Variants in TXNDC12 observed in about 807,000 individuals in gnomAD.
The protein encoded by TXNDC12 is thioredoxin domain-containing protein 12.
In TXNDC12, 22 loss-of-function variants were observed where a neutral mutation model predicts 24.2. The ratio of observed to expected loss-of-function variants is 0.91; its 90% confidence interval spans 0.65 to 1.30. TXNDC12 has a LOEUF of 1.30. TXNDC12 is among the 50% of genes most tolerant of loss of function. TXNDC12 has a pLI of 0.00. For missense variants in TXNDC12, 184 were observed against 205.8 expected, an observed-to-expected ratio of 0.89 and a Z score of 0.65; for synonymous variants, 58 against 73.4, an observed-to-expected ratio of 0.79 and a Z score of 1.07.
chr1:52,041,900 C>T (rs1475613335), intron 1 of TXNDC12, among the ~76,000 whole-genome samples: 3 of 152,146 alleles, frequency 2.0e-5, no homozygotes, highest in African/African-American at 7.2e-5. Flanking sequence ...TAAGAATGAA[C>T]GAGAATTTCC....
intron 1 of TXNDC12, among the ~76,000 whole-genome samples, chr1:52,054,150 A>T (rs367824299): frequency 2.6e-4 from 40 of 152,276 alleles, no homozygotes; most frequent in African/African-American, 8.9e-4. Flanking sequence ...ATGTGAAAAT[A>T]GAGAGGATAA....
intron 1 of TXNDC12, among the ~76,000 whole-genome samples, chr1:52,047,854 C>T (rs373193696): frequency 2.0e-5 from 3 of 152,172 alleles, no homozygotes; most frequent in African/African-American, 7.2e-5. Flanking sequence ...CCTCTTACCA[C>T]TGGGGGTATA....
At chr1:52,041,844 A>T (rs147795314) in intron 1 of TXNDC12, among the ~76,000 whole-genome samples, 272 of 152,362 alleles carry the variant, frequency 1.8e-3, no homozygotes, top group Non-Finnish European at 2.9e-3. Context: ...TTTAAAAATG[A>T]CGTTAAATGC....
intron 2 of TXNDC12, among the ~76,000 whole-genome samples, chr1:52,037,879 G>T (rs145824841): frequency 1.0e-3 from 153 of 151,884 alleles, no homozygotes; most frequent in Non-Finnish European, 2.1e-3. Context: ...GAGTTAGCCT[G>T]TCTCTTCTTG....
chr1:52,030,671 G>A (rs1290129518), intron 2 of TXNDC12: 3 of 152,234 alleles, frequency 2.0e-5, no homozygotes, highest in Middle Eastern at 3.4e-3. Flanking sequence ...GCATGTTTTC[G>A]AATGTCTTGC....
intron 5 of TXNDC12, 126 bp from the exon 6 acceptor site, chr1:52,023,700 CATA>C (rs1228428481): frequency 1.6e-6 from 1 of 640,278 alleles, no homozygotes; most frequent in Non-Finnish European, 2.7e-6. Flanking sequence ...ATTACCTCAC[CATA>C]ATACCTCCTA....
intron 2 of TXNDC12, among the ~76,000 whole-genome samples, chr1:52,030,874 T>C (rs1685741179): frequency 6.6e-6 from 1 of 152,224 alleles, no homozygotes; most frequent in African/African-American, 2.4e-5. Flanking sequence ...TATGTTAAAA[T>C]TAATTGTAAT....
At chr1:52,046,086 G>A (rs1014877420) in intron 1 of TXNDC12, among the ~76,000 whole-genome samples, 2 of 152,042 alleles carry the variant, frequency 1.3e-5, no homozygotes, top group African/African-American at 2.4e-5. Context: ...GGTGGTGCAT[G>A]CCTATAGTCC....
intron 6 of TXNDC12, 138 bp from the exon 7 acceptor site, chr1:52,021,150 T>TG (rs1340728145): frequency 3.6e-5 from 23 of 642,586 alleles, no homozygotes; most frequent in Admixed American, 1.2e-4. Context: ...CTCTGGATTT[T>TG]GGCCCTGGCA....
In TXNDC12 at chr1:52,027,360, A is replaced by G. The variant is rs1414216811; in HGVS notation, c.212-12T>C. On this transcript the variant is annotated splice_polypyrimidine_tract_variant and intron_variant, in intron 3 of 6. Transcript: ENST00000371626. ...TTTGGGCTTTAGAGCTGGGGGGAAAAAGATTTTGGAATAGAAGAAAAAACA... is the reference window on the plus strand; with the variant it reads ...TTTGGGCTTTAGAGCTGGGGGGAAAGAGATTTTGGAATAGAAGAAAAAACA... 1.3e-6 allele frequency: 2 copies of G among 1,592,818 alleles called. No individual in the cohort carries two copies. The highest frequency in any genetic ancestry group is 4.5e-5 in the East Asian group (2 of 44,704).
chr1:52,021,046 A>C (rs576462273), intron 6 of TXNDC12, 34 bp from the exon 7 acceptor site: 4 of 1,492,078 alleles, frequency 2.7e-6, no homozygotes, highest in Non-Finnish European at 3.7e-6. Flanking sequence ...AAAAGTATGA[A>C]GTAAGTAATG....
intron 4 of TXNDC12, among the ~76,000 whole-genome samples, chr1:52,025,994 A>G (rs112709225): frequency 0.023 from 3,490 of 151,746 alleles, 74 homozygotes; most frequent in African/African-American, 0.061. Context: ...ACACCCAGCT[A>G]ATTTTTTTGT....
At chr1:52,038,324 T>G (rs1332653784) in intron 2 of TXNDC12, among the ~76,000 whole-genome samples, 1 of 151,942 alleles carries the variant, frequency 6.6e-6, no homozygotes, top group African/African-American at 2.4e-5. Context: ...TGTTTTTTTT[T>G]TTTTTGAGAC....
chr1:52,037,191 G>A (rs1020143283), intron 2 of TXNDC12, among the ~76,000 whole-genome samples: 1 of 150,414 alleles, frequency 6.6e-6, no homozygotes, highest in Non-Finnish European at 1.5e-5. Context: ...ATTGTGTTTG[G>A]AGGCAAATAG....
intron 2 of TXNDC12, chr1:52,032,708 T>C (rs957525917): frequency 5.6e-6 from 9 of 1,607,220 alleles, no homozygotes; most frequent in Admixed American, 1.7e-5. Context: ...CAGTGCAGGC[T>C]CTGGCTCAAA....
intron 1 of TXNDC12, among the ~76,000 whole-genome samples, chr1:52,054,179 G>T (rs1686275444): frequency 6.6e-6 from 1 of 151,262 alleles, no homozygotes; most frequent in Non-Finnish European, 1.5e-5. Flanking sequence ...AAAAACAGAA[G>T]GATTGCAGCA....
At position 52,055,117 on chromosome 1, in the gene TXNDC12, A is replaced by G. The variant is rs182974746; in HGVS notation, c.-21T>C. 7.5e-6 allele frequency: 12 copies of G among 1,595,878 alleles called. No individual in the cohort carries two copies. Among genetic ancestry groups the G allele is most frequent in the Non-Finnish European group, 8.6e-6 (10 of 1,163,894 alleles). On this transcript the variant is annotated 5_prime_UTR_variant, in exon 1 of 7. Transcript: ENST00000371626. ...TCCATGGCAGTAGGTGCGCGGGGCC[A>G]CGGGGCTGAGCGGACGCAGGGCCGG... is the stretch of plus-strand genomic sequence containing the variant.
intron 2 of TXNDC12, among the ~76,000 whole-genome samples, chr1:52,031,425 T>G (rs1685753947): frequency 6.6e-6 from 1 of 152,128 alleles, no homozygotes; most frequent in Non-Finnish European, 1.5e-5. Flanking sequence ...CCTGAAGTGC[T>G]GGGGTTACAG....
At chr1:52,025,043 G>C (rs569486736) in intron 4 of TXNDC12, among the ~76,000 whole-genome samples, 1 of 152,064 alleles carries the variant, frequency 6.6e-6, no homozygotes, top group Non-Finnish European at 1.5e-5. Flanking sequence ...TCCCACACTA[G>C]CATGTTATTT....
Sources: allele counts gnomAD v4.1 joint callset (sites outside exome capture counted in the v4.1 genomes callset), GRCh38; gene constraint gnomAD v4.1.1; transcripts MANE v1.5; gene names NCBI Gene and HGNC (gene_info 2026-07-23, HGNC 2026-07-21).